Variants in CDH13 observed in about 807,000 individuals in gnomAD.
CDH13 encodes the protein cadherin-13.
CDH13 carries 24 observed loss-of-function variants against 63.8 expected under a neutral mutation model. The observed-to-expected ratio is 0.38, with a 90% confidence interval of 0.27 to 0.53. The LOEUF (loss-of-function observed/expected upper bound fraction) is 0.53. CDH13 is among the 20% of genes least tolerant of loss of function. The pLI, the probability that CDH13 is intolerant of heterozygous loss-of-function variation, is 0.85. For synonymous variants in CDH13, 503 were observed against 355.3 expected, an observed-to-expected ratio of 1.42 and a Z score of -4.67; for missense variants, 1,049 against 903.1, an observed-to-expected ratio of 1.16 and a Z score of -2.07.
At chr16:83,623,349 C>T (rs1049746602) in intron 8 of CDH13, among the ~76,000 whole-genome samples, 16 of 152,158 alleles carry the variant, frequency 1.1e-4, no homozygotes, top group African/African-American at 3.1e-4. Flanking sequence ...CCTTTCAGCG[C>T]CTTGTTTCTC....
chr16:83,089,371 T>C (rs1049391499), intron 3 of CDH13, among the ~76,000 whole-genome samples: 2 of 152,252 alleles, frequency 1.3e-5, no homozygotes, highest in Non-Finnish European at 2.9e-5. Flanking sequence ...ACCATGCACC[T>C]ATTGTGTGGC....
chr16:82,765,381 C>T (rs1474425967), intron 1 of CDH13, among the ~76,000 whole-genome samples: 1 of 152,180 alleles, frequency 6.6e-6, no homozygotes, highest in Non-Finnish European at 1.5e-5. Flanking sequence ...CAACAAGTTT[C>T]CATTCAGTGC....
intron 5 of CDH13, among the ~76,000 whole-genome samples, chr16:83,324,016 A>AT (rs1307583465): frequency 6.7e-6 from 1 of 149,314 alleles, no homozygotes; most frequent in Non-Finnish European, 1.5e-5. Flanking sequence ...TGCAACCATC[A>AT]TCACAGGTTT....
intron 4 of CDH13, among the ~76,000 whole-genome samples, chr16:83,183,951 G>A (rs2038428602): frequency 6.6e-6 from 1 of 152,072 alleles, no homozygotes; most frequent in African/African-American, 2.4e-5. Context: ...CAAAATTCCA[G>A]AGCAAGAAGT....
intron 2 of CDH13, among the ~76,000 whole-genome samples, chr16:82,863,695 C>A (rs751188116): frequency 1.2e-4 from 19 of 152,136 alleles, no homozygotes; most frequent in Non-Finnish European, 5.9e-5. Flanking sequence ...CTATTATTAT[C>A]ATTACTTTCA....
At chr16:82,860,065 CAG>C in intron 2 of CDH13, among the ~76,000 whole-genome samples, 1 of 152,234 alleles carries the variant, frequency 6.6e-6, no homozygotes, top group Non-Finnish European at 1.5e-5. Context: ...ATATTTCAAA[CAG>C]AACTTGATTT....
intron 8 of CDH13, among the ~76,000 whole-genome samples, chr16:83,607,290 C>A (rs1217632230): frequency 1.3e-5 from 2 of 151,932 alleles, no homozygotes; most frequent in African/African-American, 4.8e-5. Flanking sequence ...CATGGTGGCA[C>A]ATGCCTGTAA....
chr16:82,645,937 T>A (rs1011975151), intron 1 of CDH13, among the ~76,000 whole-genome samples: 3 of 152,234 alleles, frequency 2.0e-5, no homozygotes, highest in Non-Finnish European at 2.9e-5. Context: ...GTGGTTAATG[T>A]TCATCATGCC....
At chr16:83,430,989 C>T (rs1048937679) in intron 6 of CDH13, among the ~76,000 whole-genome samples, 4 of 144,612 alleles carry the variant, frequency 2.8e-5, no homozygotes, top group East Asian at 2.2e-4. Flanking sequence ...CACAACAGTC[C>T]CCAAAGTGTG....
chr16:83,434,489 C>G (rs918456431), intron 6 of CDH13, among the ~76,000 whole-genome samples: 1 of 152,088 alleles, frequency 6.6e-6, no homozygotes, highest in African/African-American at 2.4e-5. Flanking sequence ...ATTCCACTCT[C>G]CCATGCCCAC....
intron 5 of CDH13, among the ~76,000 whole-genome samples, chr16:83,298,864 A>G (rs1439446001): frequency 2.6e-5 from 4 of 152,164 alleles, no homozygotes; most frequent in African/African-American, 7.2e-5. Context: ...TTTTCCAATA[A>G]CAGCATTAAT....
At chr16:83,417,128 G>T (rs1237679021) in intron 6 of CDH13, among the ~76,000 whole-genome samples, 16 of 152,146 alleles carry the variant, frequency 1.1e-4, no homozygotes. Flanking sequence ...GAAAAGAGAG[G>T]TTAATTAGCC....
intron 5 of CDH13, among the ~76,000 whole-genome samples, chr16:83,251,959 C>G (rs758223687): frequency 6.6e-6 from 1 of 151,970 alleles, no homozygotes; most frequent in Non-Finnish European, 1.5e-5. Context: ...CTAATCCCTA[C>G]AAAGACCCTT....
At chr16:83,304,120 C>A (rs1337140095) in intron 5 of CDH13, among the ~76,000 whole-genome samples, 1 of 152,062 alleles carries the variant, frequency 6.6e-6, no homozygotes, top group Non-Finnish European at 1.5e-5. Context: ...AGCGCAGAGT[C>A]CAAACTAGTA....
At chr16:83,174,496 A>C (rs73606321) in intron 4 of CDH13, among the ~76,000 whole-genome samples, 8,454 of 152,046 alleles carry the variant, frequency 0.056, 808 homozygotes, top group African/African-American at 0.19. Flanking sequence ...AGCCAGAATA[A>C]AGTTTACACT....
At chr16:83,050,147 A>C (rs1308638704) in intron 3 of CDH13, among the ~76,000 whole-genome samples, 2 of 152,046 alleles carry the variant, frequency 1.3e-5, no homozygotes, top group South Asian at 2.1e-4. Context: ...CTTAAAAAAA[A>C]CCCTGCTTAT....
chr16:83,271,964 A>G (rs776196280), intron 5 of CDH13, among the ~76,000 whole-genome samples: 5 of 152,220 alleles, frequency 3.3e-5, no homozygotes, highest in Non-Finnish European at 7.3e-5. Flanking sequence ...TACATCTCAC[A>G]TATCATAATG....
At chr16:83,081,016 G>C (rs2033213786) in intron 3 of CDH13, among the ~76,000 whole-genome samples, 1 of 151,010 alleles carries the variant, frequency 6.6e-6, no homozygotes, top group Admixed American at 6.6e-5. Context: ...CGAGTAACTG[G>C]GACTACAGGC....
chr16:82,782,577 C>T (rs1225770356), intron 1 of CDH13, among the ~76,000 whole-genome samples: 2 of 150,176 alleles, frequency 1.3e-5, no homozygotes, highest in African/African-American at 2.5e-5. Context: ...TAATAATAAA[C>T]AAATGGATGC....
Sources: allele counts gnomAD v4.1 joint callset (sites outside exome capture counted in the v4.1 genomes callset), GRCh38; gene constraint gnomAD v4.1.1; transcripts MANE v1.5; gene names NCBI Gene and HGNC (gene_info 2026-07-23, HGNC 2026-07-21).